PCDHGB2: variants seen among roughly 807,000 people sequenced by gnomAD.
The protein encoded by PCDHGB2 is protocadherin gamma-B2.
Under a neutral mutation model 59.3 loss-of-function variants are expected in PCDHGB2, and 55 were observed. The observed-to-expected ratio is 0.93, with a 90% CI of 0.75 to 1.16. The LOEUF is 1.16. Ranked by LOEUF, PCDHGB2 falls within the 50% of genes most tolerant of loss-of-function variation. The pLI, the probability that PCDHGB2 is intolerant of heterozygous loss-of-function variation, is 0.00. For missense variants in PCDHGB2, 1,228 were observed against 1,198.5 expected, an observed-to-expected ratio of 1.02 and a Z score of -0.36; for synonymous variants, 516 against 512.0, an observed-to-expected ratio of 1.01 and a Z score of -0.11.
chr5:141,476,053 A>G lies in PCDHGB2; in HGVS notation c.2422-18754A>G. 2 of 1,501,944 alleles carry G rather than the reference A, an allele frequency of 1.3e-6. No homozygotes were observed. Among genetic ancestry groups the G allele is most frequent in the Non-Finnish European group, 1.8e-6 (2 of 1,131,392 alleles). 93.0% of individuals were successfully genotyped at this position (1,501,944 alleles called of 1,614,324 possible). ...CAGCGCCCAAGCGCTAACCCGCTGA[A>G]AGTTTCTCAGCGAAATCTCAGGGAC... On this transcript the variant is annotated intron_variant, in intron 1 of 3. Coordinates refer to ENST00000522605, the MANE Select transcript of PCDHGB2 (RefSeq NM_018923.3). The surrounding 1 kb of genome is among the most constrained non-coding windows in gnomAD (Gnocchi z 7.6).
At chr5:141,372,971 AG>A in intron 1 of PCDHGB2, 1 of 677,376 alleles carries the variant, frequency 1.5e-6, no homozygotes, top group South Asian at 2.2e-5. Context: ...AATTTCCTGT[AG>A]AATATCTGTG....
At chr5:141,389,822 C>A in intron 1 of PCDHGB2, 3 of 1,613,932 alleles carry the variant, frequency 1.9e-6, no homozygotes, top group Middle Eastern at 1.6e-4. Context: ...CCGTGCGTGA[C>A]GGTGGACAGC....
intron 1 of PCDHGB2, chr5:141,366,706 G>T (rs202189432): frequency 1.0e-4 from 169 of 1,614,242 alleles, no homozygotes; most frequent in Middle Eastern, 1.6e-4. Context: ...AGCCTCTTCT[G>T]ATGTCTGATA....
intron 1 of PCDHGB2, among the ~76,000 whole-genome samples, chr5:141,402,439 G>C (rs1278186410): frequency 6.6e-6 from 1 of 151,914 alleles, no homozygotes; most frequent in East Asian, 1.9e-4. Context: ...TCATAAAAAG[G>C]AAATTATAAT....
intron 1 of PCDHGB2, chr5:141,364,410 G>A (rs2149857737): frequency 6.2e-7 from 1 of 1,612,210 alleles, no homozygotes; most frequent in Admixed American, 1.7e-5. Flanking sequence ...TGCGAGCCAG[G>A]ATCCGGGCAG....
At position 141,487,748 on chromosome 5, in the gene PCDHGB2, T is replaced by C. The variant is rs1458153935; in HGVS notation, c.2422-7059T>C. On this transcript the variant is annotated intron_variant, in intron 1 of 3. Coordinates refer to ENST00000522605, the MANE Select transcript of PCDHGB2 (RefSeq NM_018923.3). The surrounding 1 kb of genome is among the most constrained non-coding windows in gnomAD (Gnocchi z 5.0). ...TGTCACCATTTTTGTAAGAGGTAAC[T>C]ATGTGGTAGACGCTGTGCTTTGTAA... 1 of 1,557,436 alleles carries C rather than the reference T, an allele frequency of 6.4e-7. No individual in the cohort carries two copies. Among genetic ancestry groups the C allele is most frequent in the Non-Finnish European group, 8.7e-7 (1 of 1,149,514 alleles).
rs147506725 is a variant in PCDHGB2, at chr5:141,442,240, G to A, written c.2422-52567G>A. Reference sequence around the variant, plus strand: ...CTTTAATTTCCTTTTTATTCTTCCTGATTGCATTGTTTGTGCTGGTTTTAA... The same window carrying A: ...CTTTAATTTCCTTTTTATTCTTCCTAATTGCATTGTTTGTGCTGGTTTTAA... On this transcript the variant is annotated intron_variant, in intron 1 of 3. Transcript: ENST00000522605. 1,291 of 153,334 alleles carry A rather than the reference G, an allele frequency of 8.4e-3. 26 individuals carry two copies. The highest frequency in any genetic ancestry group is 0.029 in the African/African-American group (1,208 of 41,552). 9.5% of individuals were successfully genotyped at this position (153,334 alleles called of 1,614,324 possible).
chr5:141,376,529 C>A (rs536041905), intron 1 of PCDHGB2: 2 of 1,613,656 alleles, frequency 1.2e-6, no homozygotes, highest in Non-Finnish European at 1.7e-6. Context: ...TCCGCCTAAG[C>A]GGGAAGAGTA....
In PCDHGB2 at chr5:141,489,126, T is replaced by C; in HGVS notation, c.2422-5681T>C. ...TGCAAGCAGGCAAACCTCCGAGCAG[T>C]TTTTAAGAGGCTGGAAGGAGACATA... On this transcript the variant is annotated intron_variant, in intron 1 of 3. Coordinates refer to ENST00000522605, the MANE Select transcript of PCDHGB2 (RefSeq NM_018923.3). This position sits in a 1 kb window ranked among gnomAD's most constrained non-coding sequence, Gnocchi z 4.5. 1.7e-6 allele frequency: 1 copy of C among 585,136 alleles called. No individual in the cohort carries two copies. Among genetic ancestry groups the C allele is most frequent in the South Asian group, 3.2e-5 (1 of 31,406 alleles). The allele number at this position is 585,136 out of a possible 1,614,324, so 36.2% of individuals were successfully genotyped here. A position where few individuals can be genotyped will look rare whatever the true frequency, so the allele number is the denominator to read the frequency against.
Position 141,478,407 on chromosome 5 carries a change from C to T in PCDHGB2, c.2422-16400C>T. On this transcript the variant is annotated intron_variant, in intron 1 of 3. Coordinates refer to ENST00000522605, the MANE Select transcript of PCDHGB2 (RefSeq NM_018923.3). The stretch of plus-strand genomic sequence containing the variant: ...CTTTACCATCAGGTGTATCTCACCA[C>T]GGACTCCCGCCGCAGCGACCCGCTG... 1.9e-6 allele frequency: 3 copies of T among 1,613,272 alleles called. No individual in the cohort carries two copies. The highest frequency in any genetic ancestry group is 1.3e-5 in the African/African-American group (1 of 75,072).
intron 1 of PCDHGB2, chr5:141,408,080 C>G: frequency 7.1e-7 from 1 of 1,412,844 alleles, no homozygotes; most frequent in Non-Finnish European, 9.3e-7. Flanking sequence ...TTTCCCAGCA[C>G]AGCGGATTGC....
At chr5:141,362,726 A>T (rs1762654584) in intron 1 of PCDHGB2, 170 bp downstream of exon 1, 1 of 822,880 alleles carries the variant, frequency 1.2e-6, no homozygotes, top group Admixed American at 3.0e-5. Flanking sequence ...CTGAAGTGTG[A>T]GATTTATTTA....
chr5:141,374,657 CCGGAGCTGGTGCTGG>C (rs780169875), intron 1 of PCDHGB2: 1 of 1,612,018 alleles, frequency 6.2e-7, no homozygotes, highest in Admixed American at 1.7e-5. Context: ...GCCCAAGTAC[CCGGAGCTGGTGCTGG>C]AGGGCACACT....
At position 141,491,692 on chromosome 5, in the gene PCDHGB2, C is replaced by T. The variant is rs749349869; in HGVS notation, c.2422-3115C>T. On this transcript the variant is annotated intron_variant, in intron 1 of 3. Coordinates refer to ENST00000522605, the MANE Select transcript of PCDHGB2 (RefSeq NM_018923.3). This position sits in a 1 kb window ranked among gnomAD's most constrained non-coding sequence, Gnocchi z 6.9. ...GTCCCGCTCTAATACGCTGCGGGAG[C>T]GGAGCCAGGTGAGGGGCTCGGCGCC... is the stretch of plus-strand genomic sequence containing the variant. 1 of 1,612,594 alleles carries T rather than the reference C, an allele frequency of 6.2e-7. No homozygotes were observed. The highest frequency in any genetic ancestry group is 8.5e-7 in the Non-Finnish European group (1 of 1,179,340).
chr5:141,419,769 C>A (rs773303779), intron 1 of PCDHGB2: 14 of 1,614,006 alleles, frequency 8.7e-6, no homozygotes, highest in East Asian at 4.5e-5. Context: ...GACAAGGACT[C>A]GGTCCGCCAG....
intron 1 of PCDHGB2, chr5:141,412,017 A>C (rs914087284): frequency 1.4e-5 from 2 of 146,532 alleles, no homozygotes; most frequent in African/African-American, 5.3e-5. Context: ...ACTTCTGAAC[A>C]TCCTGTTCTC....
In PCDHGB2 at chr5:141,360,423, C is replaced by A. The variant is rs760359468; in HGVS notation, c.288C>A (p.Cys96Ter). The change falls in exon 1 of 4, where the codon TGC becomes TGA. Residue 96 changes from cysteine to a stop codon, truncating the protein, a stop_gained. Coordinates refer to ENST00000522605, the MANE Select transcript of PCDHGB2 (RefSeq NM_018923.3). LOFTEE classifies it high-confidence loss of function. Reference protein sequence around the residue: ...VSDRIDREQICGKQPLCVLDF... With the variant: ...VSDRIDREQI Reference sequence around the variant, plus strand: ...ACAGAATAGACCGAGAACAGATATGCGGGAAGCAGCCTCTGTGTGTTCTGG... The same window carrying A: ...ACAGAATAGACCGAGAACAGATATGAGGGAAGCAGCCTCTGTGTGTTCTGG... 1.4e-5 allele frequency: 23 copies of A among 1,613,790 alleles called. No individual in the cohort carries two copies. The Admixed American group carries it at 2.2e-4, about 15-fold the overall frequency.
intron 1 of PCDHGB2, among the ~76,000 whole-genome samples, chr5:141,472,712 G>A (rs1303609397): frequency 1.3e-5 from 2 of 151,972 alleles, no homozygotes; most frequent in Admixed American, 6.6e-5. Flanking sequence ...CAGGCCAGGC[G>A]CTGTGGCTCA....
At chr5:141,505,347 T>C in intron 2 of PCDHGB2, 46 bp from the exon 3 acceptor site, 4 of 1,613,346 alleles carry the variant, frequency 2.5e-6, no homozygotes, top group Non-Finnish European at 2.5e-6. Context: ...GGGCATGAGC[T>C]GTGCCGGCCT....
Sources: allele counts gnomAD v4.1 joint callset (sites outside exome capture counted in the v4.1 genomes callset), GRCh38; gene constraint gnomAD v4.1.1; non-coding constraint Gnocchi (gnomAD v3.1); transcripts MANE v1.5; gene names NCBI Gene and HGNC (gene_info 2026-07-23, HGNC 2026-07-21).